KLHL15: variants seen among roughly 807,000 people sequenced by gnomAD.
KLHL15 encodes kelch like family member 15.
KLHL15 carries 1 observed loss-of-function variant against 29.3 expected under a neutral mutation model. The observed-to-expected ratio is 0.03, with a 90% CI of 0.01 to 0.16. KLHL15 has a LOEUF of 0.16. Among genes scored for constraint, KLHL15 ranks in the 10% least tolerant of loss-of-function variants. KLHL15 has a pLI of 1.00. For missense variants in KLHL15, 215 were observed against 478.5 expected, an observed-to-expected ratio of 0.45 and a Z score of 5.14; for synonymous variants, 212 against 184.5, an observed-to-expected ratio of 1.15 and a Z score of -1.21.
chrX:24,008,876 A>AC (rs1208214460), intron 2 of KLHL15, among the ~76,000 whole-genome samples: 2 of 102,716 alleles, frequency 1.9e-5, no homozygotes, highest in African/African-American at 6.9e-5. Context: ...TGTTAGAAAA[A>AC]AAAAAAACAA....
chrX:23,996,891 T>C lies in KLHL15; in HGVS notation c.706-7861A>G, dbSNP rs1359363687. On this transcript the variant is annotated intron_variant, in intron 3 of 3. Coordinates refer to ENST00000328046, the MANE Select transcript of KLHL15 (RefSeq NM_030624.3). ...GCAATATGCCTTTAATCAATCCCTTTGTCCTGAAAAACTGAGTTAATGACC... is the reference window on the plus strand; with the variant it reads ...GCAATATGCCTTTAATCAATCCCTTCGTCCTGAAAAACTGAGTTAATGACC... Among the ~76,000 whole-genome samples the C allele has an allele frequency of 2.7e-5, 3 of 112,340 alleles. No homozygotes were observed. In the East Asian group the frequency reaches 8.3e-4, roughly 31 times the overall value.
At chrX:24,024,369 G>A (rs1281518791) in intron 2 of KLHL15, among the ~76,000 whole-genome samples, 1 of 112,061 alleles carries the variant, frequency 8.9e-6, no homozygotes, top group Admixed American at 9.5e-5. Flanking sequence ...ACACTCTACA[G>A]TTAAGGATTA....
At chrX:24,007,509 ATATATAT>A (rs1454718579) in intron 2 of KLHL15, among the ~76,000 whole-genome samples, 46 of 34,733 alleles carry the variant, frequency 1.3e-3, no homozygotes, top group South Asian at 9.9e-3. Context: ...AAAAAAAAAA[ATATATAT>A]ATATATATAT....
chrX:24,007,507 AAATATATATAT>A (rs1263388586), intron 2 of KLHL15, among the ~76,000 whole-genome samples: 2,644 of 51,896 alleles, frequency 0.051, 131 homozygotes, highest in African/African-American at 0.24. Context: ...AAAAAAAAAA[AAATATATATAT>A]ATATATATAT....
rs776726742 is a variant in KLHL15 at position 23,988,249 on chromosome X, A to T, written c.1487T>A (p.Val496Asp). 1 of 1,211,180 alleles carries T rather than the reference A, an allele frequency of 8.3e-7. No individual in the cohort carries two copies. Among genetic ancestry groups the T allele is most frequent in the Non-Finnish European group, 1.1e-6 (1 of 895,173 alleles). ...GAAAGAGGCCCTCAAGATCACACAG[A>T]CACCACCGAAGACATAAAGCTTGCC... ...YNGKLYVFGG[V>D]CVILRASFES... The change falls in exon 4 of 4, where the codon GTC becomes GAC. Residue 496 changes from valine (V) to aspartate (D), a missense_variant. Physicochemically the swap from Val to Asp is radical, Grantham distance 152. Transcript: ENST00000328046.
chrX:24,002,235 T>C (rs2147102208), intron 3 of KLHL15, among the ~76,000 whole-genome samples: 1 of 112,570 alleles, frequency 8.9e-6, no homozygotes, highest in Non-Finnish European at 1.9e-5. Context: ...ACAATCATTG[T>C]TTTTTAAAAA....
chrX:23,991,607 C>T (rs1384235200), intron 3 of KLHL15, among the ~76,000 whole-genome samples: 1 of 111,285 alleles, frequency 9.0e-6, no homozygotes, highest in African/African-American at 3.3e-5. Flanking sequence ...TTTGACAGGC[C>T]GAGGCAGGCG....
intron 3 of KLHL15, among the ~76,000 whole-genome samples, chrX:23,991,861 G>GA (rs1227079003): frequency 1.8e-5 from 2 of 111,314 alleles, no homozygotes; most frequent in Non-Finnish European, 1.9e-5. Flanking sequence ...ACAAAAACCT[G>GA]AAAAAAACAA....
intron 2 of KLHL15, among the ~76,000 whole-genome samples, chrX:24,021,306 G>T (rs1259002430): frequency 2.7e-5 from 3 of 110,962 alleles, no homozygotes; most frequent in African/African-American, 9.8e-5. Context: ...TGTTCCCTCT[G>T]CCTGGATCAC....
intron 3 of KLHL15, among the ~76,000 whole-genome samples, chrX:24,000,098 T>A (rs765487684): frequency 5.0e-4 from 56 of 112,352 alleles, no homozygotes; most frequent in Admixed American, 2.6e-3. Flanking sequence ...TTATCTGGTA[T>A]CTGAAGGAGA....
chrX:24,025,337 G>A (rs1484915428), intron 1 of KLHL15, among the ~76,000 whole-genome samples: 2 of 106,669 alleles, frequency 1.9e-5, no homozygotes, highest in African/African-American at 6.7e-5. Context: ...GGGGGTGGAG[G>A]AAGGCGGGAA....
At chrX:24,003,070 G>C (rs1294091715) in intron 3 of KLHL15, among the ~76,000 whole-genome samples, 1 of 112,266 alleles carries the variant, frequency 8.9e-6, no homozygotes. Flanking sequence ...CCCAAGCTAG[G>C]CCACAGGTTA....
At chrX:24,001,904 C>T (rs1929329926) in intron 3 of KLHL15, among the ~76,000 whole-genome samples, 2 of 106,226 alleles carry the variant, frequency 1.9e-5, no homozygotes, top group South Asian at 4.2e-4. Context: ...GAGGCCAAGG[C>T]GGGTGGATCA....
chrX:24,014,348 G>T (rs1263076289), intron 2 of KLHL15, among the ~76,000 whole-genome samples: 2 of 111,495 alleles, frequency 1.8e-5, no homozygotes, highest in Non-Finnish European at 3.8e-5. Flanking sequence ...TCATTAATCT[G>T]TTATTTTGAC....
intron 3 of KLHL15, 80 bp from the exon 4 acceptor site, chrX:23,989,110 CA>C: frequency 1.2e-6 from 1 of 814,663 alleles, no homozygotes; most frequent in Non-Finnish European, 1.7e-6. Flanking sequence ...CTAATACGAT[CA>C]TCTTAGGCTC....
At chrX:24,010,700 G>A (rs55831677) in intron 2 of KLHL15, among the ~76,000 whole-genome samples, 173 of 111,618 alleles carry the variant, frequency 1.5e-3, no homozygotes, top group African/African-American at 5.4e-3. Flanking sequence ...CAGTGACACT[G>A]CTGGGACCCA....
chrX:24,025,487 G>A (rs1464486591), intron 1 of KLHL15, among the ~76,000 whole-genome samples: 2 of 105,399 alleles, frequency 1.9e-5, no homozygotes, highest in Admixed American at 9.7e-5. Context: ...GTGCGCTGTC[G>A]TCTTGACGCG....
At chrX:23,992,899 G>A (rs1035278101) in intron 3 of KLHL15, among the ~76,000 whole-genome samples, 1 of 112,011 alleles carries the variant, frequency 8.9e-6, no homozygotes, top group African/African-American at 3.2e-5. Context: ...AAAGCCTCAG[G>A]ATGAACTGTG....
chrX:24,026,742 G>A (rs1326629122), intron 1 of KLHL15, among the ~76,000 whole-genome samples: 1 of 111,517 alleles, frequency 9.0e-6, no homozygotes, highest in African/African-American at 3.3e-5. Context: ...ACTACTTCGT[G>A]GGAGAGATAA....
Sources: allele counts gnomAD v4.1 joint callset (sites outside exome capture counted in the v4.1 genomes callset), GRCh38; gene constraint gnomAD v4.1.1; transcripts MANE v1.5; gene names NCBI Gene and HGNC (gene_info 2026-07-23, HGNC 2026-07-21).